Variants in MYO9A observed in about 807,000 individuals in gnomAD.
MYO9A encodes the protein unconventional myosin-IXa.
A neutral mutation model predicts 293.3 loss-of-function variants in MYO9A; 103 were observed. The ratio of observed to expected loss-of-function variants is 0.35; its 90% CI spans 0.30 to 0.41. The LOEUF is 0.41. Among genes scored for constraint, MYO9A ranks in the 10% least tolerant of loss-of-function variants. The probability of loss-of-function intolerance (pLI) is 1.00; values close to 1 mark genes in which losing one functional copy is unlikely to be tolerated. For missense variants in MYO9A, 2,685 were observed against 3,033.0 expected (o/e 0.89, Z 2.69); for synonymous variants, 1,001 against 1,035.7 (o/e 0.97, Z 0.64).
chr15:71,843,309 A>G (rs904439033), intron 39 of MYO9A, among the ~76,000 whole-genome samples: 5 of 152,004 alleles, frequency 3.3e-5, no homozygotes, highest in African/African-American at 9.7e-5. Flanking sequence ...GGCACCTATA[A>G]TCTCAGCTAC....
chr15:72,075,613 AAC>A (rs2079326226), intron 1 of MYO9A, among the ~76,000 whole-genome samples: 2 of 151,962 alleles, frequency 1.3e-5, no homozygotes, highest in African/African-American at 4.8e-5. Flanking sequence ...CAGAGAGGTC[AAC>A]ACAAACTATC....
At chr15:71,969,598 C>T (rs2075961549) in intron 12 of MYO9A, among the ~76,000 whole-genome samples, 1 of 152,158 alleles carries the variant, frequency 6.6e-6, no homozygotes, top group African/African-American at 2.4e-5. Context: ...AGGCAGGATG[C>T]TCACTTCGTC....
At chr15:71,925,686 T>G (rs1380716185) in intron 18 of MYO9A, among the ~76,000 whole-genome samples, 1 of 152,172 alleles carries the variant, frequency 6.6e-6, no homozygotes, top group East Asian at 1.9e-4. Flanking sequence ...CCCCCACAAT[T>G]TATAACTTGC....
At chr15:72,004,548 A>T (rs185285158) in intron 8 of MYO9A, among the ~76,000 whole-genome samples, 14 of 152,040 alleles carry the variant, frequency 9.2e-5, no homozygotes. Context: ...CAACAGCGAA[A>T]CTCCATCTCA....
chr15:71,953,685 T>G (rs2059110641), intron 14 of MYO9A: 1 of 152,104 alleles, frequency 6.6e-6, no homozygotes, highest in Non-Finnish European at 1.5e-5. Flanking sequence ...CTCCTGTTCT[T>G]TCATTCTGCT....
intron 1 of MYO9A, among the ~76,000 whole-genome samples, chr15:72,061,522 C>T (rs771660488): frequency 1.7e-4 from 25 of 150,434 alleles, no homozygotes; most frequent in Non-Finnish European, 3.4e-4. Context: ...GCCTTCAGGC[C>T]TTGAAAAAAC....
chr15:71,847,317 T>C (rs190251200), intron 39 of MYO9A: 18 of 358,136 alleles, frequency 5.0e-5, no homozygotes, highest in African/African-American at 2.7e-4. Context: ...ACATGGAGGG[T>C]GGACAGGCAT....
At chr15:71,915,146 T>C (rs2057971567) in intron 19 of MYO9A, among the ~76,000 whole-genome samples, 1 of 152,092 alleles carries the variant, frequency 6.6e-6, no homozygotes, top group Non-Finnish European at 1.5e-5. Flanking sequence ...AAACTTATAT[T>C]ACTCAACATG....
At chr15:71,921,385 T>C (rs570295312) in intron 18 of MYO9A, among the ~76,000 whole-genome samples, 1 of 152,226 alleles carries the variant, frequency 6.6e-6, no homozygotes, top group South Asian at 2.1e-4. Flanking sequence ...TCAAGAGGTT[T>C]GATGGAAAGG....
At chr15:72,048,717 T>A (rs2078466301) in intron 1 of MYO9A, among the ~76,000 whole-genome samples, 1 of 152,160 alleles carries the variant, frequency 6.6e-6, no homozygotes, top group East Asian at 1.9e-4. Flanking sequence ...TACACTACCA[T>A]AAAAATGTTT....
At chr15:71,881,012 AT>A (rs1178382012) in intron 28 of MYO9A, among the ~76,000 whole-genome samples, 1 of 152,058 alleles carries the variant, frequency 6.6e-6, no homozygotes, top group African/African-American at 2.4e-5. Context: ...GAGTTTGATA[AT>A]TATTATTATT....
chr15:72,103,423 AAGCAGC>A (rs1171430518), intron 1 of MYO9A, among the ~76,000 whole-genome samples: 200 of 146,190 alleles, frequency 1.4e-3, no homozygotes, highest in Middle Eastern at 0.01. Flanking sequence ...GCAGCAGCAG[AAGCAGC>A]AGCAGCAGAA....
chr15:72,045,594 G>C (rs991042836), intron 2 of MYO9A, 130 bp downstream of exon 2: 58 of 1,077,042 alleles, frequency 5.4e-5, no homozygotes, highest in Non-Finnish European at 7.4e-5. Flanking sequence ...CTGGGAGATG[G>C]AACAGTATCT....
chr15:72,037,044 T>G (rs1397966372), intron 2 of MYO9A, among the ~76,000 whole-genome samples: 2 of 148,696 alleles, frequency 1.3e-5, no homozygotes, highest in Non-Finnish European at 3.0e-5. Context: ...TCATCCTACT[T>G]TTTTTTTTGC....
chr15:72,014,519 C>T (rs2149043862), intron 6 of MYO9A, among the ~76,000 whole-genome samples: 1 of 152,206 alleles, frequency 6.6e-6, no homozygotes, highest in South Asian at 2.1e-4. Flanking sequence ...AAACCTATCT[C>T]TACTAAAAAT....
Position 72,020,167 on chromosome 15 carries a change from T to C in MYO9A, c.1098+751A>G, listed in dbSNP as rs571806468. Among the ~76,000 whole-genome samples the C allele has an allele frequency of 7.9e-5, 12 of 152,340 alleles. No individual in the cohort carries two copies. In the East Asian group the frequency reaches 1.9e-3, roughly 24 times the overall value. On this transcript the variant is annotated intron_variant, in intron 5 of 41. Coordinates refer to ENST00000356056, the MANE Select transcript of MYO9A (RefSeq NM_006901.4). ...TTTTAATGGTCATAAAGGGATTTAT[T>C]TCCGTAGACATTACATCTTGCCTCC...
chr15:72,064,891 T>C (rs571535597), intron 1 of MYO9A, among the ~76,000 whole-genome samples: 2 of 152,304 alleles, frequency 1.3e-5, no homozygotes, highest in Admixed American at 1.3e-4. Flanking sequence ...CTAATGGACC[T>C]AGAATAGCCA....
At chr15:71,835,135 T>G (rs2054887983) in intron 39 of MYO9A, among the ~76,000 whole-genome samples, 1 of 152,180 alleles carries the variant, frequency 6.6e-6, no homozygotes, top group Non-Finnish European at 1.5e-5. Context: ...AAACCTGGAA[T>G]GGAAGGACAC....
intron 1 of MYO9A, among the ~76,000 whole-genome samples, chr15:72,066,099 T>C (rs2079013174): frequency 6.6e-6 from 1 of 152,194 alleles, no homozygotes; most frequent in South Asian, 2.1e-4. Context: ...GAAGATGAGA[T>C]ACACACAGCA....
Sources: allele counts gnomAD v4.1 joint callset (sites outside exome capture counted in the v4.1 genomes callset), GRCh38; gene constraint gnomAD v4.1.1; transcripts MANE v1.5; gene names NCBI Gene and HGNC (gene_info 2026-07-23, HGNC 2026-07-21).